Variants in ANKRD46 observed in about 807,000 individuals in gnomAD.
The protein encoded by ANKRD46 is ankyrin repeat domain 46.
A neutral mutation model predicts 19.8 loss-of-function variants in ANKRD46; 13 were observed. The observed-to-expected ratio is 0.66, with a 90% CI of 0.43 to 1.04. ANKRD46 has a LOEUF of 1.04. Among genes scored for constraint, ANKRD46 ranks in the 50% least tolerant of loss-of-function variants. The pLI is 0.00. For missense variants in ANKRD46, 185 were observed against 274.8 expected, an observed-to-expected ratio of 0.67 and a Z score of 2.31; for synonymous variants, 91 against 106.9, an observed-to-expected ratio of 0.85 and a Z score of 0.92.
At position 100,520,936 on chromosome 8, in the gene ANKRD46, T is replaced by C. The variant is rs1292424552; in HGVS notation, c.*1619A>G. 3 of 984,970 alleles carry C rather than the reference T, an allele frequency of 3.0e-6. No individual in the cohort carries two copies. Among genetic ancestry groups the C allele is most frequent in the African/African-American group, 3.5e-5 (2 of 57,230 alleles). The allele number at this position is 984,970 out of a possible 1,614,324, so 61.0% of individuals were successfully genotyped here. A position where few individuals can be genotyped will look rare whatever the true frequency, so the allele number is the denominator to read the frequency against. The stretch of plus-strand genomic sequence containing the variant: ...ATTTGTTTAGATTTACAAACAAATG[T>C]AAAGCTAATTCCAAAGTTTTCTTCT... On this transcript the variant is annotated 3_prime_UTR_variant, in exon 5 of 5. Transcript: ENST00000335659.
At chr8:100,513,280 T>TCAAAACC (rs1265915331) in intron 5 of ANKRD46, among the ~76,000 whole-genome samples, 66 of 152,310 alleles carry the variant, frequency 4.3e-4, no homozygotes, top group African/African-American at 1.6e-3. Context: ...TGGAGTGAGT[T>TCAAAACC]AGGCAGAATC....
At chr8:100,516,545 A>C (rs1811633750), downstream of ANKRD46, among the ~76,000 whole-genome samples, 1 of 152,242 alleles carries the variant, frequency 6.6e-6, no homozygotes, top group African/African-American at 2.4e-5. Context: ...GGCTAAAGTG[A>C]ATATTTAGAA....
rs185575110 is a variant in ANKRD46 at position 100,531,575 on chromosome 8, T to A, written c.-28+1634A>T. Among the ~76,000 whole-genome samples the A allele has an allele frequency of 3.3e-3, 508 of 152,294 alleles. 4 individuals carry two copies. The highest frequency in any genetic ancestry group is 0.012 in the African/African-American group (485 of 41,566). ...ACTAGGAGCTTTTAATGAATTTAAT[T>A]TAATCTTCCTAACAACTCCACAGTT... is the stretch of plus-strand genomic sequence containing the variant. On this transcript the variant is annotated intron_variant, in intron 2 of 4. Coordinates refer to ENST00000335659, the MANE Select transcript of ANKRD46 (RefSeq NM_001270377.2).
At chr8:100,512,854 AAACG>A (rs1169050935) in intron 5 of ANKRD46, among the ~76,000 whole-genome samples, 16 of 152,344 alleles carry the variant, frequency 1.1e-4, no homozygotes, top group African/African-American at 3.6e-4. Context: ...TGATTGGTTA[AAACG>A]TATACACTTC....
Position 100,524,684 on chromosome 8 carries a change from C to T in ANKRD46, c.471-1913G>A, listed in dbSNP as rs534259179. 7.9e-5 allele frequency among the ~76,000 whole-genome samples: 12 copies of T among 152,162 alleles called. No individual in the cohort carries two copies. In the East Asian group the frequency reaches 2.3e-3, roughly 29 times the overall value. ...AATAGATAACACAGTTCTGCAGAGG[C>T]TTAGTTTGACCTATGTAAAATTTAT... On this transcript the variant is annotated intron_variant, in intron 4 of 4. Coordinates refer to ENST00000335659, the MANE Select transcript of ANKRD46 (RefSeq NM_001270377.2). The surrounding 1 kb of genome is among the most constrained non-coding windows in gnomAD (Gnocchi z 4.3).
rs1006449507 is a variant in ANKRD46, at chr8:100,525,536, T to C, written c.470+2309A>G. 2.6e-5 allele frequency among the ~76,000 whole-genome samples: 4 copies of C among 152,210 alleles called. No homozygotes were observed. Among genetic ancestry groups the C allele is most frequent in the African/African-American group, 9.6e-5 (4 of 41,454 alleles). On this transcript the variant is annotated intron_variant, in intron 4 of 4. Coordinates refer to ENST00000335659, the MANE Select transcript of ANKRD46 (RefSeq NM_001270377.2). The surrounding 1 kb of genome is among the most constrained non-coding windows in gnomAD (Gnocchi z 4.4). Reference sequence around the variant, plus strand: ...GGCCTTTTGTGCCTGGCTTCTCCAATGTAGCATGTTTTCAAAATTTATCCA... The same window carrying C: ...GGCCTTTTGTGCCTGGCTTCTCCAACGTAGCATGTTTTCAAAATTTATCCA...
In ANKRD46 at chr8:100,532,387, T is replaced by C. The variant is rs758997804; in HGVS notation, c.-28+822A>G. 2 of 152,110 alleles carry C rather than the reference T, an allele frequency of 1.3e-5. No individual in the cohort carries two copies. The highest frequency in any genetic ancestry group is 2.9e-5 in the Non-Finnish European group (2 of 68,036). The allele number at this position is 152,110 out of a possible 1,614,324, so 9.4% of individuals were successfully genotyped here. Reference sequence around the variant, plus strand: ...GGGACGCTGAGGTGAGAGGATCACTTGAGCCCGGGAGGTCGAGGTTGCGAT... The same window carrying C: ...GGGACGCTGAGGTGAGAGGATCACTCGAGCCCGGGAGGTCGAGGTTGCGAT... On this transcript the variant is annotated intron_variant, in intron 2 of 4. Coordinates refer to ENST00000335659, the MANE Select transcript of ANKRD46 (RefSeq NM_001270377.2). The surrounding 1 kb of genome is among the most constrained non-coding windows in gnomAD (Gnocchi z 4.7).
chr8:100,518,622 C>A (rs183411571), downstream of ANKRD46, among the ~76,000 whole-genome samples: 25 of 152,214 alleles, frequency 1.6e-4, no homozygotes, highest in Admixed American at 3.9e-4. Context: ...GAGGCCGAGG[C>A]GGGTGGATCA....
In ANKRD46 at chr8:100,510,346, G is replaced by A; in HGVS notation, c.*231C>T. 2.4e-6 allele frequency: 1 copy of A among 415,608 alleles called. No homozygotes were observed. The highest frequency in any genetic ancestry group is 9.0e-5 in the South Asian group (1 of 11,098). 25.7% of individuals were successfully genotyped at this position (415,608 alleles called of 1,614,324 possible). On this transcript the variant is annotated 3_prime_UTR_variant, in exon 6 of 6. Coordinates refer to the ANKRD46 transcript ENST00000520552. This position sits in a 1 kb window ranked among gnomAD's most constrained non-coding sequence, Gnocchi z 4.9. ...GATGGTTCCTGGAGCTCCATCTTGA[G>A]GATCTGGGAGGCCAGGAAGACAGCA...
At chr8:100,553,249 T>A (rs1029490398) in intron 1 of ANKRD46, among the ~76,000 whole-genome samples, 6 of 152,126 alleles carry the variant, frequency 3.9e-5, no homozygotes, top group Non-Finnish European at 5.9e-5. Context: ...TTGTTGTGTT[T>A]AAAAAAAATC....
At position 100,557,345 on chromosome 8, in the gene ANKRD46, C is replaced by T. The variant is rs1468861236; in HGVS notation, c.-131+2366G>A. On this transcript the variant is annotated intron_variant, in intron 1 of 4. Coordinates refer to ENST00000335659, the MANE Select transcript of ANKRD46 (RefSeq NM_001270377.2). This position sits in a 1 kb window ranked among gnomAD's most constrained non-coding sequence, Gnocchi z 5.9. ...TTCACCCTTTCTCTCATAAGCACAT[C>T]CAAACCATAAGCAAATCCTATCAGC... is the stretch of plus-strand genomic sequence containing the variant. 6.6e-6 allele frequency among the ~76,000 whole-genome samples: 1 copy of T among 152,216 alleles called. No individual in the cohort carries two copies. Among genetic ancestry groups the T allele is most frequent in the African/African-American group, 2.4e-5 (1 of 41,454 alleles).
intron 1 of ANKRD46, among the ~76,000 whole-genome samples, chr8:100,548,039 C>T (rs2130698232): frequency 6.6e-6 from 1 of 152,174 alleles, no homozygotes; most frequent in Admixed American, 6.5e-5. Flanking sequence ...CTCCCATGGC[C>T]CAAGCATGGC....
chr8:100,558,085 C>T (rs1224107817), intron 1 of ANKRD46, among the ~76,000 whole-genome samples: 1 of 152,198 alleles, frequency 6.6e-6, no homozygotes, highest in Non-Finnish European at 1.5e-5. Flanking sequence ...TCAATATACG[C>T]TTGCTATATG....
At chr8:100,517,367 A>G (rs1198343037), downstream of ANKRD46, among the ~76,000 whole-genome samples, 3 of 152,248 alleles carry the variant, frequency 2.0e-5, no homozygotes, top group Non-Finnish European at 4.4e-5. Context: ...TGGCTACTGC[A>G]TTGGACAGCA....
Position 100,550,828 on chromosome 8 carries a change from C to A in ANKRD46, c.-131+8883G>T. On this transcript the variant is annotated intron_variant, in intron 1 of 4. Coordinates refer to ENST00000335659, the MANE Select transcript of ANKRD46 (RefSeq NM_001270377.2). This position sits in a 1 kb window ranked among gnomAD's most constrained non-coding sequence, Gnocchi z 4.4. ...AAGTGGTCACTGAGGGCAATGGCAG[C>A]CCCAGCATCGAAAGTGGAAGAGTGA... is the stretch of plus-strand genomic sequence containing the variant. 2.2e-6 allele frequency: 1 copy of A among 462,096 alleles called. No homozygotes were observed. The highest frequency in any genetic ancestry group is 1.8e-5 in the South Asian group (1 of 56,232). The allele number at this position is 462,096 out of a possible 1,614,324, so 28.6% of individuals were successfully genotyped here. A position where few individuals can be genotyped will look rare whatever the true frequency, so the allele number is the denominator to read the frequency against.
intron 1 of ANKRD46, among the ~76,000 whole-genome samples, chr8:100,539,295 A>C (rs1029550285): frequency 2.0e-5 from 3 of 152,238 alleles, no homozygotes; most frequent in African/African-American, 7.2e-5. Context: ...GTCCTAAATA[A>C]AGATAAAATA....
At chr8:100,515,370 T>G (rs975643276) in intron 5 of ANKRD46, among the ~76,000 whole-genome samples, 1 of 151,928 alleles carries the variant, frequency 6.6e-6, no homozygotes, top group Non-Finnish European at 1.5e-5. Flanking sequence ...ACAGAGAAAG[T>G]GCATTAACCG....
chr8:100,529,859 G>A lies in ANKRD46; in HGVS notation c.-26C>T, dbSNP rs1225404228. ...TGTTCTGATGTGGTGGATGGAACAC[G>A]CCTGTAATGAAATAGGTGAGTGAGA... On this transcript the variant is annotated splice_region_variant and 5_prime_UTR_variant, in exon 3 of 5. Coordinates refer to ENST00000335659, the MANE Select transcript of ANKRD46 (RefSeq NM_001270377.2). This position sits in a 1 kb window ranked among gnomAD's most constrained non-coding sequence, Gnocchi z 5.8. 4 of 1,596,434 alleles carry A rather than the reference G, an allele frequency of 2.5e-6. No individual in the cohort carries two copies. The highest frequency in any genetic ancestry group is 2.2e-5 in the East Asian group (1 of 44,654).
At position 100,510,352 on chromosome 8, in the gene ANKRD46, G is replaced by T; in HGVS notation, c.*225C>A. On this transcript the variant is annotated 3_prime_UTR_variant, in exon 6 of 6. Transcript: ENST00000520552. The surrounding 1 kb of genome is among the most constrained non-coding windows in gnomAD (Gnocchi z 4.9). ...TCCTGGAGCTCCATCTTGAGGATCTGGGAGGCCAGGAAGACAGCAGGTGCC... is the reference window on the plus strand; with the variant it reads ...TCCTGGAGCTCCATCTTGAGGATCTTGGAGGCCAGGAAGACAGCAGGTGCC... The T allele has an allele frequency of 2.4e-6, 1 of 418,352 alleles. No homozygotes were observed. The highest frequency in any genetic ancestry group is 4.2e-6 in the Non-Finnish European group (1 of 236,772). 25.9% of individuals were successfully genotyped at this position (418,352 alleles called of 1,614,324 possible).
Sources: allele counts gnomAD v4.1 joint callset (sites outside exome capture counted in the v4.1 genomes callset), GRCh38; gene constraint gnomAD v4.1.1; non-coding constraint Gnocchi (gnomAD v3.1); transcripts MANE v1.5; gene names NCBI Gene and HGNC (gene_info 2026-07-23, HGNC 2026-07-21).